SEMA3F: variants seen among roughly 807,000 people sequenced by gnomAD.
The protein encoded by SEMA3F is semaphorin 3F.
SEMA3F carries 30 observed loss-of-function variants against 98.5 expected under a neutral mutation model. The observed-to-expected ratio is 0.30, with a 90% CI of 0.23 to 0.41. The LOEUF (loss-of-function observed/expected upper bound fraction) is 0.41. Among genes scored for constraint, SEMA3F ranks in the 10% least tolerant of loss-of-function variants. SEMA3F has a pLI of 1.00. For synonymous variants in SEMA3F, 380 were observed against 444.8 expected (o/e 0.85, Z 1.83); for missense variants, 866 against 1,119.3 (o/e 0.77, Z 3.23).
chr3:50,164,661 C>T (rs964304523), intron 2 of SEMA3F, among the ~76,000 whole-genome samples: 2 of 152,196 alleles, frequency 1.3e-5, no homozygotes, highest in African/African-American at 4.8e-5. Flanking sequence ...CCAGTTCTAC[C>T]AGTGTTAGCT....
chr3:50,162,037 C>G (rs1281578762), intron 2 of SEMA3F, among the ~76,000 whole-genome samples: 1 of 152,200 alleles, frequency 6.6e-6, no homozygotes, highest in African/African-American at 2.4e-5. Context: ...GGCTCCATGT[C>G]ATAGTTTTTT....
At chr3:50,175,923 A>G (rs1279999128) in intron 6 of SEMA3F, among the ~76,000 whole-genome samples, 1 of 151,972 alleles carries the variant, frequency 6.6e-6, no homozygotes, top group Non-Finnish European at 1.5e-5. Flanking sequence ...AGCTGGAAGT[A>G]GGCCTGTGTG....
rs149030736 is a variant in SEMA3F, at chr3:50,171,121, C to T, written c.113-2672C>T. On this transcript the variant is annotated intron_variant, in intron 2 of 18. Transcript: ENST00000002829. ...CAGGGCTTTGTGCACAGCGGGTGTTCGATAACTGAGCAAGGGGCTCCCTCC... is the reference window on the plus strand; with the variant it reads ...CAGGGCTTTGTGCACAGCGGGTGTTTGATAACTGAGCAAGGGGCTCCCTCC... Among the ~76,000 whole-genome samples, 997 of 152,238 alleles carry T rather than the reference C, an allele frequency of 6.5e-3. 4 individuals carry two copies. The highest frequency in any genetic ancestry group is 0.012 in the Admixed American group (190 of 15,302).
Position 50,186,129 on chromosome 3 carries a change from C to T in SEMA3F, c.1745+83C>T. ...GGATTGGGGGTGCATGTGATATTAC[C>T]CGGGGTGCATGTGATATTACCCTAG... On this transcript the variant is annotated intron_variant, in intron 16 of 18. Transcript: ENST00000002829. The T allele has an allele frequency of 2.0e-6, 3 of 1,496,782 alleles. No individual in the cohort carries two copies. In the South Asian group the frequency reaches 3.7e-5, roughly 18 times the overall value. 92.7% of individuals were successfully genotyped at this position (1,496,782 alleles called of 1,614,324 possible). A position where few individuals can be genotyped will look rare whatever the true frequency, so the allele number is the denominator to read the frequency against.
At chr3:50,184,519 C>T in intron 12 of SEMA3F, 73 bp from the exon 13 acceptor site, 3 of 1,104,546 alleles carry the variant, frequency 2.7e-6, no homozygotes, top group Non-Finnish European at 4.1e-6. Context: ...GTGCAGCGGC[C>T]TCTTCTGAAG....
rs1164149930 is a variant in SEMA3F, at chr3:50,155,661, G to C, written c.-49+97G>C. 1 of 217,240 alleles carries C rather than the reference G, an allele frequency of 4.6e-6. No homozygotes were observed. Among genetic ancestry groups the C allele is most frequent in the Non-Finnish European group, 9.0e-6 (1 of 111,146 alleles). 13.5% of individuals were successfully genotyped at this position (217,240 alleles called of 1,614,324 possible). On this transcript the variant is annotated intron_variant, in intron 1 of 18. Coordinates refer to ENST00000002829, the MANE Select transcript of SEMA3F (RefSeq NM_004186.5). The surrounding 1 kb of genome is among the most constrained non-coding windows in gnomAD (Gnocchi z 4.9). ...GCACTGCAACTCCGCAGAAGTGTCC[G>C]GGGAGCGGGTCTCGTCGAGCCGGGG...
intron 2 of SEMA3F, among the ~76,000 whole-genome samples, chr3:50,167,163 G>A (rs1429466511): frequency 6.6e-6 from 1 of 152,176 alleles, no homozygotes; most frequent in East Asian, 1.9e-4. Context: ...TGCCCAGCTG[G>A]TGAATGCCCA....
At position 50,159,634 on chromosome 3, in the gene SEMA3F, C is replaced by A. The variant is rs201364829; in HGVS notation, c.12C>A (p.Ala4=). ...AGGCCCCTCCCACAATGCTTGTCGC[C>A]GGTCTTCTTCTCTGGGCTTCCCTAC... MLV[A]GLLLWASLLT... is the part of the protein sequence containing the mutation. Residue 4 remains alanine, a synonymous_variant, in exon 2 of 19, where the codon GCC becomes GCA. Coordinates refer to ENST00000002829, the MANE Select transcript of SEMA3F (RefSeq NM_004186.5). 1.9e-6 allele frequency: 3 copies of A among 1,609,218 alleles called. No homozygotes were observed. The highest frequency in any genetic ancestry group is 2.7e-5 in the African/African-American group (2 of 74,876).
intron 2 of SEMA3F, among the ~76,000 whole-genome samples, chr3:50,161,475 A>T (rs1042403429): frequency 1.3e-5 from 2 of 152,188 alleles, no homozygotes; most frequent in East Asian, 3.9e-4. Flanking sequence ...TGAAGCCGAC[A>T]CCCGCAGTGA....
At position 50,158,597 on chromosome 3, in the gene SEMA3F, A is replaced by T. The variant is rs1698084799; in HGVS notation, c.-48-978A>T. ...CCTGCCTGCCACGGAAGAAGGGAGT[A>T]CACAGGGCAGATCTGGGGGATGGGG... On this transcript the variant is annotated intron_variant, in intron 1 of 18. Coordinates refer to ENST00000002829, the MANE Select transcript of SEMA3F (RefSeq NM_004186.5). The surrounding 1 kb of genome is among the most constrained non-coding windows in gnomAD (Gnocchi z 4.8). Among the ~76,000 whole-genome samples, 1 of 152,200 alleles carries T rather than the reference A, an allele frequency of 6.6e-6. No homozygotes were observed. Among genetic ancestry groups the T allele is most frequent in the African/African-American group, 2.4e-5 (1 of 41,458 alleles).
chr3:50,162,824 G>A (rs1018429557), intron 2 of SEMA3F, among the ~76,000 whole-genome samples: 17 of 152,230 alleles, frequency 1.1e-4, no homozygotes, highest in Admixed American at 1.1e-3. Context: ...TGAGACAGTT[G>A]TGCTGCTAGG....
rs201124553 is a variant in SEMA3F at position 50,185,479 on chromosome 3, A to G, written c.1493A>G (p.Lys498Arg). ...GTGCAGAAGGTCATTGTGCTGCCCA[A>G]GGATGACCAGGAGTTGGAGGAGCTC... ...GTVQKVIVLP[K>R]DDQELEELML... Residue 498 changes from lysine (K) to arginine (R), a missense_variant, in exon 14 of 19, where the codon AAG (lysine) becomes AGG (arginine). Transcript: ENST00000002829. 3 of 1,614,032 alleles carry G rather than the reference A, an allele frequency of 1.9e-6. No individual in the cohort carries two copies. Among genetic ancestry groups the G allele is most frequent in the Non-Finnish European group, 2.5e-6 (3 of 1,179,952 alleles).
intron 2 of SEMA3F, among the ~76,000 whole-genome samples, chr3:50,161,367 T>C (rs997500079): frequency 6.6e-6 from 1 of 152,208 alleles, no homozygotes; most frequent in Non-Finnish European, 1.5e-5. Flanking sequence ...AGGGTCAAGG[T>C]CAGGCAAGAG....
At position 50,160,498 on chromosome 3, in the gene SEMA3F, G is replaced by T. The variant is rs1177321840; in HGVS notation, c.112+764G>T. Among the ~76,000 whole-genome samples, 3 of 152,324 alleles carry T rather than the reference G, an allele frequency of 2.0e-5. No individual in the cohort carries two copies. In the East Asian group the frequency reaches 5.8e-4, roughly 29 times the overall value. On this transcript the variant is annotated intron_variant, in intron 2 of 18. Transcript: ENST00000002829. ...CGGTACACACATGGGTGTACAAATG[G>T]CTCACTCGAGAGCCACTTCCTCAAG...
At position 50,182,154 on chromosome 3, in the gene SEMA3F, C is replaced by G. The variant is rs1489435883; in HGVS notation, c.644-130C>G. ...CAGTGGTGAAACACTGACCAGCACT[C>G]CACTGGAGATAGGATCATGCCCCAG... is the stretch of plus-strand genomic sequence containing the variant. On this transcript the variant is annotated intron_variant, in intron 7 of 18. Transcript: ENST00000002829. The surrounding 1 kb of genome is among the most constrained non-coding windows in gnomAD (Gnocchi z 4.5). 8.7e-7 allele frequency: 1 copy of G among 1,146,674 alleles called. No homozygotes were observed. Among genetic ancestry groups the G allele is most frequent in the Non-Finnish European group, 1.3e-6 (1 of 786,060 alleles). 71.0% of individuals were successfully genotyped at this position (1,146,674 alleles called of 1,614,324 possible). A position where few individuals can be genotyped will look rare whatever the true frequency, so the allele number is the denominator to read the frequency against.
Position 50,158,846 on chromosome 3 carries a change from G to A in SEMA3F, c.-48-729G>A, listed in dbSNP as rs1473511005. Among the ~76,000 whole-genome samples the A allele has an allele frequency of 6.6e-6, 1 of 152,202 alleles. No homozygotes were observed. The highest frequency in any genetic ancestry group is 1.5e-5 in the Non-Finnish European group (1 of 68,020). On this transcript the variant is annotated intron_variant, in intron 1 of 18. Coordinates refer to ENST00000002829, the MANE Select transcript of SEMA3F (RefSeq NM_004186.5). This position sits in a 1 kb window ranked among gnomAD's most constrained non-coding sequence, Gnocchi z 4.8. ...GGGGGATTCTGAAGGTGGCAATGCC[G>A]CTGGCCCAGATCCAGCCCCAGGCCC... is the stretch of plus-strand genomic sequence containing the variant.
rs768185790 is a variant in SEMA3F at position 50,155,568 on chromosome 3, A to G, written c.-49+4A>G. On this transcript the variant is annotated splice_donor_region_variant and intron_variant, in intron 1 of 18. Transcript: ENST00000002829. The surrounding 1 kb of genome is among the most constrained non-coding windows in gnomAD (Gnocchi z 4.9). ...AGGCCCCGCCGCTGCGGAAGAGGTGAGTGCAGCGGGAACCGGGAGGGAGCG... is the reference window on the plus strand; with the variant it reads ...AGGCCCCGCCGCTGCGGAAGAGGTGGGTGCAGCGGGAACCGGGAGGGAGCG... 212 of 312,306 alleles carry G rather than the reference A, an allele frequency of 6.8e-4. No homozygotes were observed. The highest frequency in any genetic ancestry group is 1.0e-3 in the Non-Finnish European group (178 of 170,622). 19.3% of individuals were successfully genotyped at this position (312,306 alleles called of 1,614,324 possible). A position where few individuals can be genotyped will look rare whatever the true frequency, so the allele number is the denominator to read the frequency against.
At chr3:50,160,692 G>A (rs914926081) in intron 2 of SEMA3F, among the ~76,000 whole-genome samples, 1 of 152,196 alleles carries the variant, frequency 6.6e-6, no homozygotes, top group African/African-American at 2.4e-5. Flanking sequence ...AGCCCTGGCT[G>A]GCCAGATTTC....
rs1575406060 is a variant in SEMA3F at position 50,183,266 on chromosome 3, G to A, written c.1088+11G>A. On this transcript the variant is annotated intron_variant, in intron 11 of 18. Coordinates refer to ENST00000002829, the MANE Select transcript of SEMA3F (RefSeq NM_004186.5). The stretch of plus-strand genomic sequence containing the variant: ...CTTTACCTCCTCTGGGTGAGGCTGG[G>A]GTCAGGGCCAGCAGTGGCAGGGAGT... 8 of 1,613,584 alleles carry A rather than the reference G, an allele frequency of 5.0e-6. No individual in the cohort carries two copies. The highest frequency in any genetic ancestry group is 5.9e-6 in the Non-Finnish European group (7 of 1,179,694).
Sources: allele counts gnomAD v4.1 joint callset (sites outside exome capture counted in the v4.1 genomes callset), GRCh38; gene constraint gnomAD v4.1.1; non-coding constraint Gnocchi (gnomAD v3.1); transcripts MANE v1.5; gene names NCBI Gene and HGNC (gene_info 2026-07-23, HGNC 2026-07-21).